Variants in CERS5 observed in about 807,000 individuals in gnomAD.
CERS5 encodes ceramide synthase 5.
In CERS5, 37 loss-of-function variants were observed where a neutral mutation model predicts 58.9. The ratio of observed to expected loss-of-function variants is 0.63; its 90% CI spans 0.48 to 0.83. CERS5 has a LOEUF of 0.83. Among genes scored for constraint, CERS5 ranks in the 40% least tolerant of loss-of-function variants. CERS5 has a pLI of 0.00. For synonymous variants in CERS5, 147 were observed against 177.8 expected (o/e 0.83, Z 1.38); for missense variants, 398 against 489.3 (o/e 0.81, Z 1.76).
At chr12:50,131,553 C>CATCT (rs1372283361) in intron 9 of CERS5, among the ~76,000 whole-genome samples, 1 of 102,062 alleles carries the variant, frequency 9.8e-6, no homozygotes, top group Non-Finnish European at 1.8e-5. Flanking sequence ...AGTGAGACTC[C>CATCT]ATCTCAAAAA....
intron 1 of CERS5, among the ~76,000 whole-genome samples, chr12:50,148,119 G>A (rs1460434071): frequency 1.3e-5 from 2 of 151,536 alleles, no homozygotes; most frequent in East Asian, 2.0e-4. Context: ...CCTGGGAAAC[G>A]TGGTGAAACC....
chr12:50,132,874 C>A lies in CERS5; in HGVS notation c.1029+1672G>T. 2 of 1,259,882 alleles carry A rather than the reference C, an allele frequency of 1.6e-6. 1 individual carries two copies. Among genetic ancestry groups the A allele is most frequent in the South Asian group, 2.7e-5 (2 of 75,284 alleles). 78.0% of individuals were successfully genotyped at this position (1,259,882 alleles called of 1,614,324 possible). ...GAGAGGGCATGCTCTGAGACAAACACAAGGGAACAGAAAGGAGAGCAGGAG... is the reference window on the plus strand; with the variant it reads ...GAGAGGGCATGCTCTGAGACAAACAAAAGGGAACAGAAAGGAGAGCAGGAG... On this transcript the variant is annotated intron_variant, in intron 9 of 9. Transcript: ENST00000317551.
In CERS5 at chr12:50,146,846, CAA is replaced by C. The variant is rs10714679; in HGVS notation, c.198-2791_198-2790del. ...TGGGCGACAAAGTGAGACTCCGTCT[CAA>C]AAAAAAAAAAAAAAAAAGAACATTT... On this transcript the variant is annotated intron_variant, in intron 1 of 9. Transcript: ENST00000317551. Among the ~76,000 whole-genome samples, 288 of 104,966 alleles carry C rather than the reference CAA, an allele frequency of 2.7e-3. 2 individuals carry two copies. The highest frequency in any genetic ancestry group is 8.0e-3 in the African/African-American group (222 of 27,698). 68.9% of individuals were successfully genotyped at this position (104,966 alleles called of 152,430 possible).
intron 1 of CERS5, among the ~76,000 whole-genome samples, chr12:50,162,851 G>A (rs1379813597): frequency 3.3e-5 from 5 of 152,084 alleles, no homozygotes; most frequent in South Asian, 2.1e-4. Flanking sequence ...TGATCCGCCC[G>A]TCTCAGCCTC....
At chr12:50,135,877 C>A in intron 7 of CERS5, 39 bp from the exon 8 acceptor site, 1 of 1,596,268 alleles carries the variant, frequency 6.3e-7, no homozygotes, top group Non-Finnish European at 8.5e-7. Flanking sequence ...GGGAGAAAGT[C>A]ATTCCTCACA....
intron 3 of CERS5, among the ~76,000 whole-genome samples, chr12:50,142,320 C>T (rs1052618011): frequency 2.6e-5 from 4 of 152,008 alleles, no homozygotes; most frequent in South Asian, 2.1e-4. Context: ...TTTGGGAGGC[C>T]GAGGCAGGTG....
intron 4 of CERS5, among the ~76,000 whole-genome samples, chr12:50,140,284 A>ATTT (rs57651378): frequency 0.055 from 5,314 of 95,956 alleles, 480 homozygotes; most frequent in African/African-American, 0.14. Context: ...TAACTTCCAA[A>ATTT]TTTTTTTTTT....
At chr12:50,143,000 T>C (rs908866890) in intron 3 of CERS5, 74 bp downstream of exon 3, 2 of 1,481,914 alleles carry the variant, frequency 1.3e-6, no homozygotes, top group Admixed American at 4.2e-5. Flanking sequence ...AGAAGTGATG[T>C]TCAAAACAGA....
At chr12:50,135,549 G>A in intron 8 of CERS5, 183 bp downstream of exon 8, 2 of 710,548 alleles carry the variant, frequency 2.8e-6, no homozygotes, top group Non-Finnish European at 5.1e-6. Flanking sequence ...GGCAGCAGAG[G>A]TCCTATGAGA....
chr12:50,135,305 AG>A lies in CERS5; in HGVS notation c.872+426del, dbSNP rs1171724906. 25 of 216,946 alleles carry A rather than the reference AG, an allele frequency of 1.2e-4. 1 individual carries two copies. Among genetic ancestry groups the A allele is most frequent in the African/African-American group, 3.4e-4 (9 of 26,590 alleles). 13.4% of individuals were successfully genotyped at this position (216,946 alleles called of 1,614,324 possible). A position where few individuals can be genotyped will look rare whatever the true frequency, so the allele number is the denominator to read the frequency against. ...AGAGGAGAGGGAGGAAGAGAGAGAG[AG>A]GAGTGTGTGTGTGTGTGTGTGTGTG... On this transcript the variant is annotated intron_variant, in intron 8 of 9. Coordinates refer to ENST00000317551, the MANE Select transcript of CERS5 (RefSeq NM_147190.5).
chr12:50,164,827 G>A (rs1323375338), intron 1 of CERS5, among the ~76,000 whole-genome samples: 3 of 152,148 alleles, frequency 2.0e-5, no homozygotes, highest in African/African-American at 7.2e-5. Flanking sequence ...TATATAAAAT[G>A]GGTGTTTATA....
intron 5 of CERS5, 56 bp downstream of exon 5, chr12:50,138,511 C>G (rs1951806083): frequency 6.9e-7 from 1 of 1,442,926 alleles, no homozygotes; most frequent in African/African-American, 1.4e-5. Context: ...AGGACCCTCA[C>G]TCACTCCACC....
chr12:50,149,017 C>T (rs1052070631), intron 1 of CERS5, among the ~76,000 whole-genome samples: 1 of 139,748 alleles, frequency 7.2e-6, no homozygotes. Flanking sequence ...AAAACATGTA[C>T]ATTTTCCCCA....
Position 50,130,341 on chromosome 12 carries a change from C to A in CERS5, c.*204G>T, listed in dbSNP as rs1951248242. 1 of 450,912 alleles carries A rather than the reference C, an allele frequency of 2.2e-6. No homozygotes were observed. 27.9% of individuals were successfully genotyped at this position (450,912 alleles called of 1,614,324 possible). On this transcript the variant is annotated 3_prime_UTR_variant, in exon 10 of 10. Transcript: ENST00000317551. ...AACAAACACACAAAAACACACAGAG[C>A]AAATAACATTACTGAAAGAACCTGG...
At chr12:50,149,637 A>AT (rs1447168413) in intron 1 of CERS5, among the ~76,000 whole-genome samples, 6 of 152,164 alleles carry the variant, frequency 3.9e-5, no homozygotes, top group African/African-American at 7.2e-5. Context: ...TGAGATATTG[A>AT]TTTTAGCTCT....
At chr12:50,155,053 T>C (rs1269860413) in intron 1 of CERS5, among the ~76,000 whole-genome samples, 1 of 152,076 alleles carries the variant, frequency 6.6e-6, no homozygotes, top group African/African-American at 2.4e-5. Flanking sequence ...AGACGGGGTT[T>C]CACCGTGTTG....
At chr12:50,162,609 C>CTT (rs35326678) in intron 1 of CERS5, among the ~76,000 whole-genome samples, 320 of 145,732 alleles carry the variant, frequency 2.2e-3, no homozygotes, top group African/African-American at 6.4e-3. Context: ...CTCTCTCTCT[C>CTT]TTTTTTTTTT....
At chr12:50,135,146 AGGAGGGAGGGAGAGAGAGG>A (rs1951576578) in intron 8 of CERS5, among the ~76,000 whole-genome samples, 3 of 38,372 alleles carry the variant, frequency 7.8e-5, no homozygotes, top group South Asian at 1.5e-3. Context: ...GGAGAGAGAG[AGGAGGGAGGGAGAGAGAGG>A]GGAGGGAGGG....
chr12:50,137,675 G>T (rs973884680), intron 6 of CERS5, 53 bp downstream of exon 6: 10 of 981,562 alleles, frequency 1.0e-5, no homozygotes, highest in Admixed American at 5.9e-5. Flanking sequence ...CATGGAAGCT[G>T]CTAGAAAGGA....
Sources: gnomAD v4.1 joint callset for allele counts (sites outside exome capture counted in the v4.1 genomes callset) on GRCh38, gnomAD v4.1.1 for gene constraint, MANE v1.5 for transcripts, NCBI Gene and HGNC (gene_info 2026-07-23, HGNC 2026-07-21) for gene names.